The following LIMCH1 variants were observed in gnomAD, a reference collection of about 807,000 sequenced individuals.
The protein encoded by LIMCH1 is LIM and calponin homology domains 1, also known as LIM and calponin homology domains-containing protein 1.
Under a neutral mutation model 176.5 loss-of-function variants are expected in LIMCH1, and 113 were observed. The observed-to-expected ratio is 0.64, with a 90% CI of 0.55 to 0.75. The LOEUF (loss-of-function observed/expected upper bound fraction) is 0.75. Among genes scored for constraint, LIMCH1 ranks in the 30% least tolerant of loss-of-function variants. LIMCH1 has a pLI of 0.00. For missense variants in LIMCH1, 1,674 were observed against 1,814.9 expected (o/e 0.92, Z 1.41); for synonymous variants, 619 against 645.9 (o/e 0.96, Z 0.63).
chr4:41,629,819 T>C, intron 9 of LIMCH1, 85 bp downstream of exon 9: 1 of 1,419,160 alleles, frequency 7.0e-7, no homozygotes, highest in African/African-American at 1.5e-5. Flanking sequence ...TTGTGTCTTT[T>C]TTTTTTTTGT....
intron 2 of LIMCH1, among the ~76,000 whole-genome samples, chr4:41,507,063 C>T (rs376620173): frequency 3.9e-5 from 6 of 152,228 alleles, no homozygotes; most frequent in East Asian, 1.9e-4. Flanking sequence ...CACAGAACTC[C>T]GGGGTACATC....
intron 1 of LIMCH1, among the ~76,000 whole-genome samples, chr4:41,361,693 C>G (rs1409863130): frequency 6.6e-6 from 1 of 152,220 alleles, no homozygotes; most frequent in Admixed American, 6.5e-5. Flanking sequence ...GCTCTCGGCT[C>G]TCAGTCCCGG....
chr4:41,563,501 T>TC, intron 1 of LIMCH1, among the ~76,000 whole-genome samples: 2 of 152,316 alleles, frequency 1.3e-5, no homozygotes, highest in East Asian at 3.9e-4. Flanking sequence ...TTAGTATTTT[T>TC]CCTACACAAA....
intron 1 of LIMCH1, chr4:41,453,677 T>C (rs1048271185): frequency 6.6e-6 from 1 of 152,234 alleles, no homozygotes; most frequent in African/African-American, 2.4e-5. Flanking sequence ...TATTCAAGGG[T>C]CAACTGCATG....
intron 1 of LIMCH1, among the ~76,000 whole-genome samples, chr4:41,590,257 A>T (rs1186530608): frequency 1.3e-5 from 2 of 151,898 alleles, no homozygotes; most frequent in Non-Finnish European, 2.9e-5. Flanking sequence ...AGGCCCATCT[A>T]ATTTTTTTAT....
At chr4:41,638,560 G>A (rs1415671365) in intron 13 of LIMCH1, among the ~76,000 whole-genome samples, 3 of 152,176 alleles carry the variant, frequency 2.0e-5, no homozygotes, top group South Asian at 2.1e-4. Context: ...GGCACAAAAA[G>A]TTGAACTGTT....
chr4:41,405,653 A>T (rs543349202), intron 1 of LIMCH1, among the ~76,000 whole-genome samples: 21 of 152,270 alleles, frequency 1.4e-4, no homozygotes, highest in African/African-American at 5.1e-4. Context: ...TAACTTGTGC[A>T]TAGTAGCTGT....
At chr4:41,543,110 T>C (rs2078894350) in intron 1 of LIMCH1, among the ~76,000 whole-genome samples, 1 of 152,204 alleles carries the variant, frequency 6.6e-6, no homozygotes, top group Non-Finnish European at 1.5e-5. Flanking sequence ...CGCATGGAAC[T>C]ATGTCTAAGA....
chr4:41,547,863 G>GTGTATATATATATATATATATATA (rs774873739), intron 1 of LIMCH1, among the ~76,000 whole-genome samples: 1 of 93,218 alleles, frequency 1.1e-5, no homozygotes, highest in Admixed American at 1.2e-4. Flanking sequence ...TTGTGTGTGT[G>GTGTATATATATATATATATATATA]TATATATATA....
At chr4:41,662,483 T>C (rs2094658631) in intron 19 of LIMCH1, among the ~76,000 whole-genome samples, 1 of 152,236 alleles carries the variant, frequency 6.6e-6, no homozygotes, top group Admixed American at 6.5e-5. Context: ...AGATGTTCTC[T>C]TATCTAGCCC....
chr4:41,684,075 A>G (rs1718549074), intron 26 of LIMCH1, among the ~76,000 whole-genome samples: 1 of 152,184 alleles, frequency 6.6e-6, no homozygotes. Flanking sequence ...CAAAGGTTCC[A>G]TGTGGCTAAA....
rs143262427 is a variant in LIMCH1 at position 41,559,803 on chromosome 4, C to A, written c.-241+21453C>A. Among the ~76,000 whole-genome samples, 114 of 152,226 alleles carry A rather than the reference C, an allele frequency of 7.5e-4. 1 individual carries two copies. Among genetic ancestry groups the A allele is most frequent in the Admixed American group, 5.7e-3 (87 of 15,276 alleles). ...TACATTTCCTTTATATGCACCCTAC[C>A]CCTACCCAACGCAGATATTTCTTCT... is the stretch of plus-strand genomic sequence containing the variant. On this transcript the variant is annotated intron_variant, in intron 1 of 31. Coordinates refer to ENST00000503057, the MANE Select transcript of LIMCH1 (RefSeq NM_001330672.2).
At chr4:41,460,476 A>ATATATATATATATATATATCTATC (rs965621988) in intron 1 of LIMCH1, among the ~76,000 whole-genome samples, 4 of 142,662 alleles carry the variant, frequency 2.8e-5, no homozygotes, top group African/African-American at 1.1e-4. Context: ...ATATATATAT[A>ATATATATATATATATATATCTATC]TATCTTATAA....
intron 1 of LIMCH1, among the ~76,000 whole-genome samples, chr4:41,429,165 T>C (rs553657509): frequency 1.3e-5 from 2 of 152,340 alleles, no homozygotes; most frequent in East Asian, 1.9e-4. Flanking sequence ...TTTTTGATAT[T>C]ACAGTCCATC....
upstream of LIMCH1, among the ~76,000 whole-genome samples, chr4:41,360,237 G>A (rs1326850991): frequency 6.8e-6 from 1 of 147,922 alleles, no homozygotes; most frequent in African/African-American, 2.5e-5. This position sits in a 1 kb window ranked among gnomAD's most constrained non-coding sequence, Gnocchi z 4.5. Flanking sequence ...TGTACTTCCC[G>A]GCGCCGGGCC....
At chr4:41,518,040 A>C (rs1561610342) in intron 2 of LIMCH1, among the ~76,000 whole-genome samples, 2 of 152,170 alleles carry the variant, frequency 1.3e-5, no homozygotes, top group Non-Finnish European at 1.5e-5. Context: ...TTAAGCATGA[A>C]CTTTCCAACC....
Position 41,552,164 on chromosome 4 carries a change from C to T in LIMCH1, c.-241+13814C>T, listed in dbSNP as rs561478699. Among the ~76,000 whole-genome samples, 9 of 152,192 alleles carry T rather than the reference C, an allele frequency of 5.9e-5. No individual in the cohort carries two copies. The South Asian group carries it at 1.7e-3, about 28-fold the overall frequency. ...AGGAGAACAGCATGGGAAAGACCTG[C>T]CCCCATTATTCAGTTACCTCCCACT... On this transcript the variant is annotated intron_variant, in intron 1 of 31. Coordinates refer to ENST00000503057, the MANE Select transcript of LIMCH1 (RefSeq NM_001330672.2).
At chr4:41,582,471 T>C (rs1471976159) in intron 1 of LIMCH1, among the ~76,000 whole-genome samples, 1 of 152,222 alleles carries the variant, frequency 6.6e-6, no homozygotes, top group African/African-American at 2.4e-5. Context: ...GGTTTATGTC[T>C]TTATATGCTA....
At chr4:41,547,863 G>GTGTGTATATATATA (rs774873739) in intron 1 of LIMCH1, among the ~76,000 whole-genome samples, 1 of 93,220 alleles carries the variant, frequency 1.1e-5, no homozygotes, top group Non-Finnish European at 2.0e-5. Flanking sequence ...TTGTGTGTGT[G>GTGTGTATATATATA]TATATATATA....
Sources: gnomAD v4.1 joint callset for allele counts (sites outside exome capture counted in the v4.1 genomes callset) on GRCh38, gnomAD v4.1.1 for gene constraint, Gnocchi (gnomAD v3.1) non-coding constraint, MANE v1.5 for transcripts, NCBI Gene and HGNC (gene_info 2026-07-23, HGNC 2026-07-21) for gene names.